BCAM: variants seen among roughly 807,000 people sequenced by gnomAD.
The protein encoded by BCAM is basal cell adhesion molecule.
Under a neutral mutation model 72.4 loss-of-function variants are expected in BCAM, and 61 were observed. The ratio of observed to expected loss-of-function variants is 0.84; its 90% CI spans 0.69 to 1.04. BCAM has a LOEUF of 1.04. Among genes scored for constraint, BCAM ranks in the 50% least tolerant of loss-of-function variants. The probability of loss-of-function intolerance (pLI) is 0.00; values close to 1 mark genes in which losing one functional copy is unlikely to be tolerated. For synonymous variants in BCAM, 408 were observed against 384.2 expected, an observed-to-expected ratio of 1.06 and a Z score of -0.73; for missense variants, 909 against 895.0, an observed-to-expected ratio of 1.02 and a Z score of -0.20.
rs1488042772 is a variant in BCAM at position 44,813,196 on chromosome 19, C to T, written c.505-54C>T. On this transcript the variant is annotated intron_variant, in intron 4 of 14. Coordinates refer to ENST00000270233, the MANE Select transcript of BCAM (RefSeq NM_005581.5). The surrounding 1 kb of genome is among the most constrained non-coding windows in gnomAD (Gnocchi z 4.2). Reference sequence around the variant, plus strand: ...TGGGGAGAACTCCTGAGAGAGGAGCCCCGACTTCAGAGTCCCAGCTCCAAG... The same window carrying T: ...TGGGGAGAACTCCTGAGAGAGGAGCTCCGACTTCAGAGTCCCAGCTCCAAG... The T allele has an allele frequency of 1.3e-6, 2 of 1,586,216 alleles. No individual in the cohort carries two copies. Among genetic ancestry groups the T allele is most frequent in the East Asian group, 2.2e-5 (1 of 44,732 alleles).
Position 44,814,678 on chromosome 19 carries a change from C to T in BCAM, c.996C>T (p.Ser332=), listed in dbSNP as rs375498217. 5.6e-5 allele frequency: 91 copies of T among 1,613,902 alleles called. No homozygotes were observed. Among genetic ancestry groups the T allele is most frequent in the Non-Finnish European group, 7.2e-5 (85 of 1,180,012 alleles). Reference sequence around the variant, plus strand: ...TGGAGGGAGTGACCCGGGGCCAGAGCGGGACCTATGGCTGCAGAGTGGAGG... The same window carrying T: ...TGGAGGGAGTGACCCGGGGCCAGAGTGGGACCTATGGCTGCAGAGTGGAGG... ...LTLEGVTRGQ[S]GTYGCRVEDY... is the part of the protein sequence containing the mutation. The change falls in exon 8 of 15, where the codon AGC becomes AGT. Residue 332 remains serine (S), a synonymous_variant. Transcript: ENST00000270233. This position sits in a 1 kb window ranked among gnomAD's most constrained non-coding sequence, Gnocchi z 4.6.
rs148858980 is a variant in BCAM at position 44,812,415 on chromosome 19, G to A, written c.433+24G>A. On this transcript the variant is annotated intron_variant, in intron 3 of 14. Coordinates refer to ENST00000270233, the MANE Select transcript of BCAM (RefSeq NM_005581.5). The surrounding 1 kb of genome is among the most constrained non-coding windows in gnomAD (Gnocchi z 5.3). ...TGGTAAGTGTCCTCGGGCATCCCCC[G>A]AAGGGAGGCAGGCAGGGAGGGGCGC... 2,592 of 1,614,082 alleles carry A rather than the reference G, an allele frequency of 1.6e-3. 13 individuals carry two copies. The highest frequency in any genetic ancestry group is 1.1e-3 in the Non-Finnish European group (1,322 of 1,179,970).
In BCAM at chr19:44,818,316, A is replaced by T. The variant is rs946865810; in HGVS notation, c.1079-206A>T. On this transcript the variant is annotated intron_variant, in intron 8 of 14. Coordinates refer to ENST00000270233, the MANE Select transcript of BCAM (RefSeq NM_005581.5). This position sits in a 1 kb window ranked among gnomAD's most constrained non-coding sequence, Gnocchi z 4.6. ...AAAAGTAATTGACTTGGGCATGTCA[A>T]TGTTGGGGTTAGACTGCTAGATTTT... Among the ~76,000 whole-genome samples the T allele has an allele frequency of 6.6e-6, 1 of 152,130 alleles. No individual in the cohort carries two copies. The highest frequency in any genetic ancestry group is 1.5e-5 in the Non-Finnish European group (1 of 68,010).
intron 8 of BCAM, among the ~76,000 whole-genome samples, chr19:44,815,727 G>A (rs1319510034): frequency 2.6e-5 from 4 of 152,174 alleles, no homozygotes; most frequent in Non-Finnish European, 5.9e-5. Context: ...GTCTCAGGCT[G>A]GGTGCAGTGG....
At chr19:44,810,209 C>T (rs1455984544) in intron 1 of BCAM, among the ~76,000 whole-genome samples, 2 of 152,156 alleles carry the variant, frequency 1.3e-5, no homozygotes, top group Middle Eastern at 3.4e-3. Context: ...AATAACTACT[C>T]CACCAGGCCC....
rs1968438038 is a variant in BCAM, at chr19:44,812,460, T to C, written c.434-18T>C. 6.2e-7 allele frequency: 1 copy of C among 1,614,054 alleles called. No individual in the cohort carries two copies. The highest frequency in any genetic ancestry group is 1.3e-5 in the African/African-American group (1 of 74,922). On this transcript the variant is annotated intron_variant, in intron 3 of 14. Transcript: ENST00000270233. This position sits in a 1 kb window ranked among gnomAD's most constrained non-coding sequence, Gnocchi z 5.3. ...GGGCGCAGGGCAGGGGCTCCTGACG[T>C]GAACGTCTTTTTCACAGCAAAGCCA...
chr19:44,809,071 G>A, upstream of BCAM: 7 of 1,290,512 alleles, frequency 5.4e-6, no homozygotes, highest in Non-Finnish European at 5.9e-6. Flanking sequence ...CTGGCTCCCA[G>A]CCCCGCAGCG....
intron 13 of BCAM, chr19:44,820,439 C>G (rs546250757): frequency 2.5e-6 from 3 of 1,218,916 alleles, no homozygotes; most frequent in Non-Finnish European, 3.1e-6. Context: ...ACCTCCAATC[C>G]GTAACCATCC....
At chr19:44,809,281 C>T (rs1341079340) in intron 1 of BCAM, 75 bp downstream of exon 1, 2 of 1,265,886 alleles carry the variant, frequency 1.6e-6, no homozygotes, top group African/African-American at 3.1e-5. Flanking sequence ...GGAGAAAGGG[C>T]TTTACCCTGA....
Position 44,814,857 on chromosome 19 carries a change from A to G in BCAM, c.1078+97A>G. ...GCCCTGAAGTTGCTCTGTCATCCCAAACACTCTGCCTTCAACCCTTTCTCT... is the reference window on the plus strand; with the variant it reads ...GCCCTGAAGTTGCTCTGTCATCCCAGACACTCTGCCTTCAACCCTTTCTCT... On this transcript the variant is annotated intron_variant, in intron 8 of 14. Coordinates refer to ENST00000270233, the MANE Select transcript of BCAM (RefSeq NM_005581.5). This position sits in a 1 kb window ranked among gnomAD's most constrained non-coding sequence, Gnocchi z 4.6. 7.5e-7 allele frequency: 1 copy of G among 1,327,242 alleles called. No individual in the cohort carries two copies. The highest frequency in any genetic ancestry group is 1.8e-5 in the South Asian group (1 of 55,806). 82.2% of individuals were successfully genotyped at this position (1,327,242 alleles called of 1,614,324 possible).
Position 44,812,949 on chromosome 19 carries a change from C to CAAAAA in BCAM, c.505-288_505-284dup, listed in dbSNP as rs1207051227. The CAAAAA allele has an allele frequency of 3.1e-5, 6 of 194,160 alleles. No individual in the cohort carries two copies. The highest frequency in any genetic ancestry group is 6.3e-5 in the South Asian group (1 of 15,938). The allele number at this position is 194,160 out of a possible 1,614,324, so 12.0% of individuals were successfully genotyped here. ...TGGGCCACAGAGCAATACTCCGTCT[C>CAAAAA]AAAAAAAAAAAAAAAAAGAAGAAGA... On this transcript the variant is annotated intron_variant, in intron 4 of 14. Transcript: ENST00000270233. This position sits in a 1 kb window ranked among gnomAD's most constrained non-coding sequence, Gnocchi z 5.3.
chr19:44,809,268 C>A, intron 1 of BCAM, 62 bp downstream of exon 1: 2 of 1,327,346 alleles, frequency 1.5e-6, no homozygotes, highest in South Asian at 1.7e-5. Flanking sequence ...CCCGGGAAAG[C>A]GAGGAGAAAG....
In BCAM at chr19:44,812,190, C is replaced by G. The variant is rs760755283; in HGVS notation, c.232C>G (p.Leu78Val). ...LTDRSGARPRLASAEMQGSEL... is the reference protein window; with the variant it reads ...LTDRSGARPRVASAEMQGSEL... ...CGACCGCTCGGGAGCTCGCCCCCGC[C>G]TAGCCTCGGCTGAGATGCAGGGCTC... Residue 78 changes from leucine (L) to valine (V), a missense_variant, in exon 3 of 15, where the codon CTA becomes GTA. Leu to Val is a conservative substitution (Grantham distance 32, BLOSUM62 1). Coordinates refer to ENST00000270233, the MANE Select transcript of BCAM (RefSeq NM_005581.5). This position sits in a 1 kb window ranked among gnomAD's most constrained non-coding sequence, Gnocchi z 5.3. The G allele has an allele frequency of 3.7e-6, 6 of 1,604,094 alleles. No homozygotes were observed. Among genetic ancestry groups the G allele is most frequent in the Non-Finnish European group, 5.1e-6 (6 of 1,177,780 alleles).
At chr19:44,820,577 C>T (rs1424267253) in intron 13 of BCAM, 128 bp from the exon 14 acceptor site, 2 of 1,287,860 alleles carry the variant, frequency 1.6e-6, no homozygotes, top group Middle Eastern at 3.0e-4. Flanking sequence ...CCATCCCCAC[C>T]CAGCACACCC....
rs1009402069 is a variant in BCAM at position 44,814,402 on chromosome 19, C to T, written c.921+114C>T. The T allele has an allele frequency of 2.4e-5, 35 of 1,472,744 alleles. No homozygotes were observed. The highest frequency in any genetic ancestry group is 3.1e-5 in the Non-Finnish European group (34 of 1,107,710). 91.2% of individuals were successfully genotyped at this position (1,472,744 alleles called of 1,614,324 possible). Reference sequence around the variant, plus strand: ...TGGGAGTCCCCATGGCTTAGGCAGCCACCTGATCTGGTGGCCCACGAACTA... The same window carrying T: ...TGGGAGTCCCCATGGCTTAGGCAGCTACCTGATCTGGTGGCCCACGAACTA... On this transcript the variant is annotated intron_variant, in intron 7 of 14. Coordinates refer to ENST00000270233, the MANE Select transcript of BCAM (RefSeq NM_005581.5). The surrounding 1 kb of genome is among the most constrained non-coding windows in gnomAD (Gnocchi z 4.6).
At position 44,821,351 on chromosome 19, in the gene BCAM, T is replaced by TCCGCCCC. The variant is rs1968590856; in HGVS notation, c.*430_*431insCCGCCCC. Reference sequence around the variant, plus strand: ...CCTGGTCCCACTCCTGCCCCCGCCCTACCTCCGCCCCACCCCATCATCTGT... The same window carrying TCCGCCCC: ...CCTGGTCCCACTCCTGCCCCCGCCCTCCGCCCCACCTCCGCCCCACCCCATCATCTGT... On this transcript the variant is annotated 3_prime_UTR_variant, in exon 15 of 15. Coordinates refer to ENST00000270233, the MANE Select transcript of BCAM (RefSeq NM_005581.5). 2 of 46,718 alleles carry TCCGCCCC rather than the reference T, an allele frequency of 4.3e-5. No homozygotes were observed. Among genetic ancestry groups the TCCGCCCC allele is most frequent in the Non-Finnish European group, 7.3e-5 (2 of 27,498 alleles). 2.9% of individuals were successfully genotyped at this position (46,718 alleles called of 1,614,324 possible).
At position 44,819,690 on chromosome 19, in the gene BCAM, G is replaced by A; in HGVS notation, c.1727G>A (p.Gly576Asp). ...AVFYCVRRKG[G>D]PCCRQRREKG... ...TTCTACTGCGTGAGACGCAAAGGGG[G>A]CCCCTGCTGCCGCCAGCGGCGGGAG... is the stretch of plus-strand genomic sequence containing the variant. Residue 576 changes from glycine (G) to aspartate (D), a missense_variant, in exon 13 of 15, where the codon GGC (glycine) becomes GAC (aspartate). Physicochemically the swap from Gly to Asp is moderately conservative, Grantham distance 94 (BLOSUM62 -1). Coordinates refer to ENST00000270233, the MANE Select transcript of BCAM (RefSeq NM_005581.5). 6.2e-7 allele frequency: 1 copy of A among 1,611,672 alleles called. No individual in the cohort carries two copies. The highest frequency in any genetic ancestry group is 8.5e-7 in the Non-Finnish European group (1 of 1,178,810).
Position 44,812,356 on chromosome 19 carries a change from G to A in BCAM, c.398G>A (p.Gly133Asp). 1 of 1,613,712 alleles carries A rather than the reference G, an allele frequency of 6.2e-7. No homozygotes were observed. Among genetic ancestry groups the A allele is most frequent in the Non-Finnish European group, 8.5e-7 (1 of 1,179,788 alleles). ...TGCGTGGTGAGGGCAGGGGCGGCAG[G>A]CACTGCTGAGGCCACTGCGCGGCTC... The part of the protein sequence containing the change: ...YVCVVRAGAA[G>D]TAEATARLNV... Residue 133 changes from glycine (G) to aspartate (D), a missense_variant, in exon 3 of 15, where the codon GGC (glycine) becomes GAC (aspartate). Gly to Asp is a moderately conservative substitution (Grantham distance 94, BLOSUM62 -1). Transcript: ENST00000270233. The surrounding 1 kb of genome is among the most constrained non-coding windows in gnomAD (Gnocchi z 5.3).
In BCAM at chr19:44,812,159, A is replaced by C. The variant is rs747899737; in HGVS notation, c.205-4A>C. ...GGAGCTGAGAGCCTGCCCCGCGCCCACAGACCGACCGCTCGGGAGCTCGCC... is the reference window on the plus strand; with the variant it reads ...GGAGCTGAGAGCCTGCCCCGCGCCCCCAGACCGACCGCTCGGGAGCTCGCC... On this transcript the variant is annotated splice_polypyrimidine_tract_variant and splice_region_variant and intron_variant, in intron 2 of 14. Transcript: ENST00000270233. The surrounding 1 kb of genome is among the most constrained non-coding windows in gnomAD (Gnocchi z 5.3). The C allele has an allele frequency of 1.3e-6, 2 of 1,598,068 alleles. No homozygotes were observed. Among genetic ancestry groups the C allele is most frequent in the Admixed American group, 3.5e-5 (2 of 57,002 alleles).
Sources: gnomAD v4.1 joint callset for allele counts (sites outside exome capture counted in the v4.1 genomes callset) on GRCh38, gnomAD v4.1.1 for gene constraint, Gnocchi (gnomAD v3.1) non-coding constraint, MANE v1.5 for transcripts, NCBI Gene and HGNC (gene_info 2026-07-23, HGNC 2026-07-21) for gene names.